CUL3: variants seen among roughly 807,000 people sequenced by gnomAD.
CUL3 encodes cullin-3.
A neutral mutation model predicts 89.1 loss-of-function variants in CUL3; 19 were observed. The observed-to-expected ratio is 0.21, with a 90% CI of 0.15 to 0.31. CUL3 has a LOEUF of 0.31. Among genes scored for constraint, CUL3 ranks in the 10% least tolerant of loss-of-function variants. The pLI is 1.00. For missense variants in CUL3, 469 were observed against 942.3 expected, an observed-to-expected ratio of 0.50 and a Z score of 6.58; for synonymous variants, 351 against 308.4, an observed-to-expected ratio of 1.14 and a Z score of -1.45.
rs139963896 is a variant in CUL3 at position 224,492,952 on chromosome 2, T to C, written c.1842+2880A>G. Among the ~76,000 whole-genome samples, 5 of 152,190 alleles carry C rather than the reference T, an allele frequency of 3.3e-5. No homozygotes were observed. In the East Asian group the frequency reaches 7.7e-4, roughly 24 times the overall value. ...ACAAAGAGCCACATGAAAAGGCCCA[T>C]GTGCAGAGAAACTAAGGCCACTTAA... On this transcript the variant is annotated intron_variant, in intron 13 of 15. Coordinates refer to ENST00000264414, the MANE Select transcript of CUL3 (RefSeq NM_003590.5).
chr2:224,526,355 GCAGGTGGAT>G (rs1392587898), intron 3 of CUL3, among the ~76,000 whole-genome samples: 4 of 152,078 alleles, frequency 2.6e-5, no homozygotes, highest in Non-Finnish European at 5.9e-5. Context: ...GAAGGCCAAG[GCAGGTGGAT>G]CACCTGAGGT....
chr2:224,505,750 G>T (rs935921319), intron 8 of CUL3: 7 of 283,726 alleles, frequency 2.5e-5, no homozygotes, highest in African/African-American at 4.4e-5. Flanking sequence ...GCTTGTTTTT[G>T]AAGCCAATTA....
chr2:224,501,329 C>T (rs1026996078), intron 10 of CUL3, among the ~76,000 whole-genome samples: 8 of 152,212 alleles, frequency 5.3e-5, no homozygotes, highest in South Asian at 2.1e-4. Context: ...TCCAGTGCTA[C>T]AGAGCAGGTG....
chr2:224,497,986 A>C, intron 11 of CUL3, 137 bp from the exon 12 acceptor site: 3 of 658,022 alleles, frequency 4.6e-6, no homozygotes, highest in Non-Finnish European at 7.8e-6. Context: ...AGGAAACTTT[A>C]GGAATCAAGT....
chr2:224,490,422 T>G (rs1011038483), intron 13 of CUL3, among the ~76,000 whole-genome samples: 1 of 151,936 alleles, frequency 6.6e-6, no homozygotes, highest in Non-Finnish European at 1.5e-5. Context: ...TGACTCACAC[T>G]CCTTACCCTG....
intron 1 of CUL3, among the ~76,000 whole-genome samples, chr2:224,583,193 C>A (rs1695482989): frequency 6.6e-6 from 1 of 152,106 alleles, no homozygotes; most frequent in South Asian, 2.1e-4. Flanking sequence ...GCCTGACCAA[C>A]ATGGAGAAAC....
intron 5 of CUL3, among the ~76,000 whole-genome samples, chr2:224,512,298 G>A (rs761436575): frequency 5.3e-5 from 8 of 151,962 alleles, no homozygotes; most frequent in African/African-American, 7.3e-5. Flanking sequence ...GGGTTTCACC[G>A]TGTTAGCCAG....
At chr2:224,535,500 A>C (rs1042183081) in intron 3 of CUL3, 28 bp downstream of exon 3, 1 of 1,463,240 alleles carries the variant, frequency 6.8e-7, no homozygotes, top group African/African-American at 1.4e-5. Context: ...TGCTTAAAGG[A>C]AGAAAACATT....
At position 224,470,539 on chromosome 2, in the gene CUL3, CAT is replaced by C; in HGVS notation, c.*3704_*3705del. ...CTCTTCTTCCTTCTGGCTAATTTGA[CAT>C]AGGAAAGGCACACAAAGGAAAACAT... On this transcript the variant is annotated 3_prime_UTR_variant, in exon 16 of 16. Coordinates refer to ENST00000264414, the MANE Select transcript of CUL3 (RefSeq NM_003590.5). 4.3e-6 allele frequency: 1 copy of C among 231,670 alleles called. No individual in the cohort carries two copies. Among genetic ancestry groups the C allele is most frequent in the Non-Finnish European group, 8.5e-6 (1 of 117,148 alleles). 14.4% of individuals were successfully genotyped at this position (231,670 alleles called of 1,614,324 possible).
At chr2:224,584,697 G>A (rs1040523445) in intron 1 of CUL3, among the ~76,000 whole-genome samples, 2 of 149,972 alleles carry the variant, frequency 1.3e-5, no homozygotes, top group African/African-American at 2.4e-5. Context: ...AGCGGCTGAA[G>A]GAGCAGCTCC....
At chr2:224,504,108 G>A (rs1692498709) in intron 8 of CUL3, 1 of 236,786 alleles carries the variant, frequency 4.2e-6, no homozygotes, top group African/African-American at 2.2e-5. Context: ...TGGGTTAAGG[G>A]ATGATTGAGA....
In CUL3 at chr2:224,585,226, C is replaced by A; in HGVS notation, c.-217G>T. On this transcript the variant is annotated 5_prime_UTR_variant, in exon 1 of 16. Transcript: ENST00000264414. ...TCGGACTCTGGCGACTCCGATGCGG[C>A]TGGGGGGCTGCGCTGGCGCGGCGGC... 1 of 384,650 alleles carries A rather than the reference C, an allele frequency of 2.6e-6. No individual in the cohort carries two copies. Among genetic ancestry groups the A allele is most frequent in the Non-Finnish European group, 4.5e-6 (1 of 220,362 alleles). The allele number at this position is 384,650 out of a possible 1,614,324, so 23.8% of individuals were successfully genotyped here.
intron 8 of CUL3, chr2:224,504,055 T>C: frequency 2.7e-6 from 1 of 371,204 alleles, no homozygotes; most frequent in South Asian, 6.1e-5. Flanking sequence ...TTCTATTCCG[T>C]AGAGGGCTAC....
chr2:224,582,582 T>C (rs1051158166), intron 1 of CUL3, among the ~76,000 whole-genome samples: 3 of 152,230 alleles, frequency 2.0e-5, no homozygotes, highest in Non-Finnish European at 2.9e-5. Flanking sequence ...AGTCACTTAC[T>C]TCATGTAAGG....
intron 1 of CUL3, among the ~76,000 whole-genome samples, chr2:224,583,633 C>G (rs1574713568): frequency 6.6e-6 from 1 of 152,294 alleles, no homozygotes; most frequent in East Asian, 1.9e-4. Flanking sequence ...TCCATCGTAC[C>G]TATTTACACA....
chr2:224,533,984 G>A (rs1018600542), intron 3 of CUL3, among the ~76,000 whole-genome samples: 4 of 151,864 alleles, frequency 2.6e-5, no homozygotes, highest in African/African-American at 4.8e-5. Flanking sequence ...ATTCTACCAA[G>A]TAAAAGAAAC....
At chr2:224,555,546 A>C (rs1211681018) in intron 2 of CUL3, among the ~76,000 whole-genome samples, 1 of 152,154 alleles carries the variant, frequency 6.6e-6, no homozygotes, top group Non-Finnish European at 1.5e-5. Flanking sequence ...AGTTTAGTCC[A>C]AATTACTTAG....
At chr2:224,574,725 C>T (rs1008562198) in intron 1 of CUL3, among the ~76,000 whole-genome samples, 1 of 152,178 alleles carries the variant, frequency 6.6e-6, no homozygotes, top group Admixed American at 6.5e-5. Context: ...TTGGGAAATT[C>T]TTTTAAATGT....
intron 13 of CUL3, among the ~76,000 whole-genome samples, chr2:224,486,947 G>C (rs893149766): frequency 6.6e-6 from 1 of 151,286 alleles, no homozygotes; most frequent in Non-Finnish European, 1.5e-5. Flanking sequence ...AGAAGAGAGT[G>C]GGGGGGGCCA....
Sources: gnomAD v4.1 joint callset for allele counts (sites outside exome capture counted in the v4.1 genomes callset) on GRCh38, gnomAD v4.1.1 for gene constraint, MANE v1.5 for transcripts, NCBI Gene and HGNC (gene_info 2026-07-23, HGNC 2026-07-21) for gene names.